Variants in TBC1D1 observed in about 807,000 individuals in gnomAD.
TBC1D1 encodes TBC1 domain family member 1, also known as TBC1 (tre-2/USP6, BUB2, cdc16) domain family, member 1.
Under a neutral mutation model 125.6 loss-of-function variants are expected in TBC1D1, and 89 were observed. The observed-to-expected ratio is 0.71, with a 90% confidence interval of 0.60 to 0.85. The LOEUF is 0.85. TBC1D1 is among the 40% of genes least tolerant of loss of function. The pLI is 0.00. For missense variants in TBC1D1, 1,377 were observed against 1,469.2 expected (o/e 0.94, Z 1.03); for synonymous variants, 565 against 564.1 (o/e 1.00, Z -0.02).
intron 12 of TBC1D1, among the ~76,000 whole-genome samples, chr4:38,079,805 C>A (rs1756244473): frequency 6.6e-6 from 1 of 152,078 alleles, no homozygotes; most frequent in Admixed American, 6.5e-5. Context: ...TGGGTAGAGT[C>A]ATTGCTTAAT....
chr4:38,005,244 G>A (rs142183042), intron 2 of TBC1D1, among the ~76,000 whole-genome samples: 1 of 152,328 alleles, frequency 6.6e-6, no homozygotes, highest in East Asian at 1.9e-4. Flanking sequence ...CAAGAGGATA[G>A]GGAAGGGAAG....
At chr4:37,984,832 A>C (rs1735102401) in intron 2 of TBC1D1, among the ~76,000 whole-genome samples, 1 of 147,498 alleles carries the variant, frequency 6.8e-6, no homozygotes. Context: ...ACAGAGTGAG[A>C]CCCTGTCTCA....
At chr4:37,911,446 T>C (rs1718616926) in intron 2 of TBC1D1, among the ~76,000 whole-genome samples, 1 of 151,846 alleles carries the variant, frequency 6.6e-6, no homozygotes, top group African/African-American at 2.4e-5. Context: ...AGACACTGGA[T>C]TGGGGTTGAG....
intron 1 of TBC1D1, among the ~76,000 whole-genome samples, chr4:37,895,120 A>G (rs1199810415): frequency 6.6e-6 from 1 of 152,202 alleles, no homozygotes; most frequent in Non-Finnish European, 1.5e-5. Context: ...CGATTCTGCC[A>G]CTTCTTATAG....
chr4:38,006,195 A>T (rs1578236163), intron 2 of TBC1D1, among the ~76,000 whole-genome samples: 1 of 152,242 alleles, frequency 6.6e-6, no homozygotes, highest in South Asian at 2.1e-4. Flanking sequence ...TTGGAATTCC[A>T]GGAGGCTTTG....
In TBC1D1 at chr4:38,018,336, TTTTG is replaced by T; in HGVS notation, c.883-12_883-9del. ...TGAGAAAGTTTGAAAAGCTAGATTTTTTTGTTTGTCTTTTAAGATTGGCCAGTCT... is the reference window on the plus strand; with the variant it reads ...TGAGAAAGTTTGAAAAGCTAGATTTTTTTGTCTTTTAAGATTGGCCAGTCT... On this transcript the variant is annotated splice_polypyrimidine_tract_variant and intron_variant, in intron 3 of 19. Coordinates refer to ENST00000261439, the MANE Select transcript of TBC1D1 (RefSeq NM_015173.4). The T allele has an allele frequency of 1.9e-6, 3 of 1,587,914 alleles. No homozygotes were observed. Among genetic ancestry groups the T allele is most frequent in the Non-Finnish European group, 1.7e-6 (2 of 1,161,082 alleles).
chr4:37,901,900 A>G, intron 1 of TBC1D1, 103 bp from the exon 2 acceptor site: 3 of 531,242 alleles, frequency 5.6e-6, no homozygotes, highest in Non-Finnish European at 9.8e-6. Flanking sequence ...CTCTTATTAT[A>G]TTTGGGTTTC....
At chr4:38,074,631 G>C (rs1298728791) in intron 12 of TBC1D1, among the ~76,000 whole-genome samples, 5 of 152,044 alleles carry the variant, frequency 3.3e-5, no homozygotes, top group Non-Finnish European at 5.9e-5. Flanking sequence ...TGCCTCCCCT[G>C]TTTCTGTCTT....
chr4:38,080,818 G>A (rs1487198701), intron 12 of TBC1D1, among the ~76,000 whole-genome samples: 2 of 152,158 alleles, frequency 1.3e-5, no homozygotes, highest in African/African-American at 4.8e-5. Context: ...GTCTCCTTAG[G>A]GGTGGAGCTT....
intron 12 of TBC1D1, among the ~76,000 whole-genome samples, chr4:38,083,952 T>TTTC (rs1553933785): frequency 6.6e-6 from 1 of 150,976 alleles, no homozygotes; most frequent in Admixed American, 6.6e-5. Context: ...TTTTTTTTTT[T>TTTC]CTTGAGACAG....
chr4:38,012,786 T>C (rs931377872), intron 2 of TBC1D1, among the ~76,000 whole-genome samples: 2 of 152,060 alleles, frequency 1.3e-5, no homozygotes, highest in Admixed American at 1.3e-4. Context: ...GCTTGACCTG[T>C]TGAAATTTTG....
At chr4:37,950,273 G>A (rs530091912) in intron 2 of TBC1D1, among the ~76,000 whole-genome samples, 1 of 151,944 alleles carries the variant, frequency 6.6e-6, no homozygotes, top group Non-Finnish European at 1.5e-5. Context: ...CTGTAAAATG[G>A]GTATTGTCAC....
rs562036604 is a variant in TBC1D1, at chr4:37,973,648, C to T, written c.418-40861C>T. Among the ~76,000 whole-genome samples, 4 of 152,220 alleles carry T rather than the reference C, an allele frequency of 2.6e-5. No homozygotes were observed. In the East Asian group the frequency reaches 7.7e-4, roughly 29 times the overall value. On this transcript the variant is annotated intron_variant, in intron 2 of 19. Coordinates refer to ENST00000261439, the MANE Select transcript of TBC1D1 (RefSeq NM_015173.4). ...TGGGTTCAGCTTGTCCAGTCTGGTC[C>T]TCAGCTGACCATCCACTCACATCAA... is the stretch of plus-strand genomic sequence containing the variant.
chr4:38,087,864 A>AG (rs1757786390), intron 12 of TBC1D1, among the ~76,000 whole-genome samples: 1 of 52,494 alleles, frequency 1.9e-5, no homozygotes, highest in Non-Finnish European at 3.7e-5. Flanking sequence ...AAAAAAAAAG[A>AG]AAAAAAAAAA....
rs976443051 is a variant in TBC1D1, at chr4:38,053,235, A to T, written c.1911-964A>T. The T allele has an allele frequency of 1.9e-5, 28 of 1,494,186 alleles. No individual in the cohort carries two copies. The highest frequency in any genetic ancestry group is 2.5e-5 in the Non-Finnish European group (28 of 1,123,980). 92.6% of individuals were successfully genotyped at this position (1,494,186 alleles called of 1,614,324 possible). On this transcript the variant is annotated intron_variant, in intron 11 of 19. Transcript: ENST00000261439. ...TTATGAACACAAAAAGGTAGGGCTT[A>T]ATTTAGATATATCAAGCCTGGGTGT...
intron 2 of TBC1D1, among the ~76,000 whole-genome samples, chr4:37,950,980 T>G (rs1411372807): frequency 6.6e-6 from 1 of 152,114 alleles, no homozygotes; most frequent in Admixed American, 6.6e-5. Context: ...GCCAAGCTGG[T>G]CTCGAACTCC....
At chr4:38,001,753 C>T (rs543152330) in intron 2 of TBC1D1, among the ~76,000 whole-genome samples, 11 of 152,280 alleles carry the variant, frequency 7.2e-5, no homozygotes, top group East Asian at 3.9e-4. Context: ...TATTATATCG[C>T]GATATCATGT....
Position 38,102,874 on chromosome 4 carries a change from C to T in TBC1D1, c.2399-125C>T, listed in dbSNP as rs1431607838. 9 of 1,110,018 alleles carry T rather than the reference C, an allele frequency of 8.1e-6. No individual in the cohort carries two copies. In the South Asian group the frequency reaches 1.3e-4, roughly 16 times the overall value. The allele number at this position is 1,110,018 out of a possible 1,614,324, so 68.8% of individuals were successfully genotyped here. A position where few individuals can be genotyped will look rare whatever the true frequency, so the allele number is the denominator to read the frequency against. ...GCAGCTCGGGTGACAAAGCCAGACT[C>T]TGTCTCAAAAAAAAAAAAAAAGGAA... On this transcript the variant is annotated intron_variant, in intron 14 of 19. Transcript: ENST00000261439.
At chr4:38,112,426 T>C (rs1468320595) in intron 15 of TBC1D1, among the ~76,000 whole-genome samples, 1 of 152,244 alleles carries the variant, frequency 6.6e-6, no homozygotes, top group Non-Finnish European at 1.5e-5. Flanking sequence ...GTTTGGAAAC[T>C]GGGTTTTTAT....
Sources: allele counts gnomAD v4.1 joint callset (sites outside exome capture counted in the v4.1 genomes callset), GRCh38; gene constraint gnomAD v4.1.1; transcripts MANE v1.5; gene names NCBI Gene and HGNC (gene_info 2026-07-23, HGNC 2026-07-21).